Variants in PPIL2 observed in about 807,000 individuals in gnomAD.
PPIL2 encodes the protein peptidylprolyl isomerase like 2, also known as RING-type E3 ubiquitin-protein ligase PPIL2.
Under a neutral mutation model 75.2 loss-of-function variants are expected in PPIL2, and 50 were observed. The observed-to-expected ratio is 0.66, with a 90% CI of 0.53 to 0.84. PPIL2 has a LOEUF of 0.84. PPIL2 is among the 40% of genes least tolerant of loss of function. The pLI is 0.00. For missense variants in PPIL2, 590 were observed against 685.0 expected, an observed-to-expected ratio of 0.86 and a Z score of 1.55; for synonymous variants, 245 against 258.8, an observed-to-expected ratio of 0.95 and a Z score of 0.51.
chr22:21,696,272 A>C lies in PPIL2; in HGVS notation c.*782A>C. On this transcript the variant is annotated 3_prime_UTR_variant, in exon 20 of 20. Coordinates refer to ENST00000398831, the MANE Select transcript of PPIL2 (RefSeq NM_014337.4). ...TCTGGCTGTGAACCACCTGGGCTTC[A>C]TCTCAAGCCTGCCTGGCGTCTCTGT... is the stretch of plus-strand genomic sequence containing the variant. The C allele has an allele frequency of 6.8e-6, 7 of 1,029,352 alleles. No individual in the cohort carries two copies. The highest frequency in any genetic ancestry group is 8.2e-6 in the Non-Finnish European group (7 of 856,194). The allele number at this position is 1,029,352 out of a possible 1,614,324, so 63.8% of individuals were successfully genotyped here.
intron 6 of PPIL2, among the ~76,000 whole-genome samples, chr22:21,678,325 G>A (rs1305131544): frequency 6.6e-6 from 1 of 152,006 alleles, no homozygotes; most frequent in Non-Finnish European, 1.5e-5. Flanking sequence ...TCTGCCTCCT[G>A]GGCTCAAGAG....
At chr22:21,683,452 C>T (rs371843465) in intron 9 of PPIL2, among the ~76,000 whole-genome samples, 195 bp downstream of exon 9, 7 of 152,362 alleles carry the variant, frequency 4.6e-5, no homozygotes. Context: ...AGACTTGCTG[C>T]CCTGCCAGCA....
intron 6 of PPIL2, among the ~76,000 whole-genome samples, chr22:21,675,785 G>T (rs913070933): frequency 6.6e-6 from 1 of 152,228 alleles, no homozygotes; most frequent in African/African-American, 2.4e-5. Flanking sequence ...CTGAGTAGGG[G>T]ATGTGGGTGG....
intron 13 of PPIL2, 121 bp downstream of exon 13, chr22:21,687,853 G>C: frequency 8.9e-7 from 1 of 1,118,024 alleles, no homozygotes; most frequent in South Asian, 1.4e-5. Flanking sequence ...GATGAGTCCA[G>C]TTGGTGATCC....
chr22:21,677,913 AGAGCCGTGTGGGCATCGGGG>A (rs2066945388), intron 6 of PPIL2, among the ~76,000 whole-genome samples: 1 of 152,114 alleles, frequency 6.6e-6, no homozygotes, highest in South Asian at 2.1e-4. Flanking sequence ...GCAGGGAGGG[AGAGCCGTGTGGGCATCGGGG>A]GAGTGCAGGG....
intron 9 of PPIL2, among the ~76,000 whole-genome samples, chr22:21,683,490 C>G (rs559121226): frequency 6.6e-6 from 1 of 152,376 alleles, no homozygotes; most frequent in African/African-American, 2.4e-5. Flanking sequence ...CTGCTCCCTG[C>G]AGACTGGCCG....
chr22:21,671,962 G>A (rs1482442140), intron 4 of PPIL2, among the ~76,000 whole-genome samples: 3 of 152,032 alleles, frequency 2.0e-5, no homozygotes, highest in Non-Finnish European at 4.4e-5. Context: ...GAGGTGGGAG[G>A]ATCGCTTGAG....
At chr22:21,670,895 TC>T in intron 3 of PPIL2, 101 bp from the exon 4 acceptor site, 1 of 1,180,318 alleles carries the variant, frequency 8.5e-7, no homozygotes, top group Non-Finnish European at 1.3e-6. Flanking sequence ...CAGAGAGGGC[TC>T]CCTGGGACAG....
In PPIL2 at chr22:21,681,396, T is replaced by C. The variant is rs201148882; in HGVS notation, c.387+6T>C. Reference sequence around the variant, plus strand: ...GCAACGTCTACGCCTATGAGGTGTGTCCTCGCTCCGGGGCGTGGAGACAGC... The same window carrying C: ...GCAACGTCTACGCCTATGAGGTGTGCCCTCGCTCCGGGGCGTGGAGACAGC... On this transcript the variant is annotated splice_donor_region_variant and intron_variant, in intron 7 of 19. Coordinates refer to ENST00000398831, the MANE Select transcript of PPIL2 (RefSeq NM_014337.4). The C allele has an allele frequency of 4.4e-4, 702 of 1,608,638 alleles. No individual in the cohort carries two copies. Among genetic ancestry groups the C allele is most frequent in the Middle Eastern group, 3.5e-3 (21 of 6,056 alleles).
chr22:21,667,765 A>ATTTT (rs55832180), intron 1 of PPIL2, among the ~76,000 whole-genome samples: 1 of 69,872 alleles, frequency 1.4e-5, no homozygotes, highest in Non-Finnish European at 2.7e-5. Flanking sequence ...GACATCTCAA[A>ATTTT]TTTTTTTTTT....
chr22:21,670,542 GT>G (rs746219751), intron 2 of PPIL2, 23 bp from the exon 3 acceptor site: 2 of 1,591,906 alleles, frequency 1.3e-6, no homozygotes, highest in Non-Finnish European at 1.7e-6. Context: ...TAAGATTTCT[GT>G]TTTTTATTTC....
chr22:21,679,864 G>A (rs2067032981), intron 6 of PPIL2, among the ~76,000 whole-genome samples: 4 of 151,672 alleles, frequency 2.6e-5, no homozygotes, highest in Admixed American at 2.6e-4. Context: ...AAGGTGGGCA[G>A]ATCACGAGAT....
In PPIL2 at chr22:21,695,050, G is replaced by A. The variant is rs1249798314; in HGVS notation, c.1446G>A (p.Lys482=). Reference sequence around the variant, plus strand: ...AGACCTTCCGCCAGGGCGTGGGCAAGTACATCAACCCAGCAGCCACGTGAG... The same window carrying A: ...AGACCTTCCGCCAGGGCGTGGGCAAATACATCAACCCAGCAGCCACGTGAG... The part of the protein sequence containing the change: ...GPQTFRQGVG[K]YINPAATKRA... The change falls in exon 19 of 20, where the codon AAG becomes AAA. Residue 482 remains lysine (K), a synonymous_variant. Transcript: ENST00000398831. The A allele has an allele frequency of 6.2e-7, 1 of 1,609,856 alleles. No homozygotes were observed.
intron 16 of PPIL2, among the ~76,000 whole-genome samples, chr22:21,694,379 A>G (rs2067821096): frequency 6.6e-6 from 1 of 151,704 alleles, no homozygotes; most frequent in Non-Finnish European, 1.5e-5. Flanking sequence ...CAAAAAAAAA[A>G]CAAAAACAGA....
intron 5 of PPIL2, among the ~76,000 whole-genome samples, chr22:21,674,521 G>A (rs2148510830): frequency 6.6e-6 from 1 of 152,256 alleles, no homozygotes; most frequent in Middle Eastern, 3.4e-3. Flanking sequence ...ACTTTGGGAG[G>A]CTCAGGTGGG....
Position 21,695,632 on chromosome 22 carries a change from C to T in PPIL2, c.*142C>T. ...TGCTGCCTGCATCCCCTTTCCTGGC[C>T]CCTGGGAGCCCACAGCCTTCCCATC... On this transcript the variant is annotated 3_prime_UTR_variant, in exon 20 of 20. Transcript: ENST00000398831. 2 of 1,469,042 alleles carry T rather than the reference C, an allele frequency of 1.4e-6. No homozygotes were observed. Among genetic ancestry groups the T allele is most frequent in the Non-Finnish European group, 9.0e-7 (1 of 1,106,826 alleles). The allele number at this position is 1,469,042 out of a possible 1,614,324, so 91.0% of individuals were successfully genotyped here.
Position 21,686,935 on chromosome 22 carries a change from G to A in PPIL2, c.834G>A (p.Lys278=), listed in dbSNP as rs749461726. The A allele has an allele frequency of 2.5e-6, 4 of 1,614,104 alleles. No individual in the cohort carries two copies. The Admixed American group carries it at 6.7e-5, about 27-fold the overall frequency. The part of the protein sequence containing the change: ...EDVLRYQFVK[K]KGYVRLHTNK... ...TGCTGCGCTACCAGTTTGTGAAGAA[G>A]AAGGGCTACGTGCGGCTGCACACCA... Residue 278 remains lysine, a synonymous_variant, in exon 12 of 20, where the codon AAG becomes AAA. Transcript: ENST00000398831.
chr22:21,666,782 C>T (rs1386370370), intron 1 of PPIL2, among the ~76,000 whole-genome samples: 2 of 152,182 alleles, frequency 1.3e-5, no homozygotes, highest in East Asian at 3.8e-4. Context: ...GCACTCCAGC[C>T]TGGGCGACAG....
chr22:21,677,543 G>A (rs910793396), intron 6 of PPIL2, among the ~76,000 whole-genome samples: 31 of 152,302 alleles, frequency 2.0e-4, no homozygotes, highest in Non-Finnish European at 4.0e-4. Flanking sequence ...CAAAAAATAC[G>A]AAAACCAGTC....
Sources: gnomAD v4.1 joint callset for allele counts (sites outside exome capture counted in the v4.1 genomes callset) on GRCh38, gnomAD v4.1.1 for gene constraint, MANE v1.5 for transcripts, NCBI Gene and HGNC (gene_info 2026-07-23, HGNC 2026-07-21) for gene names.